Variants in SEMA5A observed in about 807,000 individuals in gnomAD.
The protein encoded by SEMA5A is semaphorin 5A.
A neutral mutation model predicts 135.5 loss-of-function variants in SEMA5A; 55 were observed. That is an observed-to-expected ratio of 0.41 (90% CI 0.33 to 0.51). The LOEUF (loss-of-function observed/expected upper bound fraction) is 0.51, where lower values mean the gene tolerates loss of function less well. Ranked by LOEUF, SEMA5A falls within the 20% of genes least tolerant of loss-of-function variation. The probability of loss-of-function intolerance (pLI) is 0.37; values close to 1 mark genes in which losing one functional copy is unlikely to be tolerated. For synonymous variants in SEMA5A, 580 were observed against 546.5 expected, an observed-to-expected ratio of 1.06 and a Z score of -0.85; for missense variants, 1,290 against 1,419.9, an observed-to-expected ratio of 0.91 and a Z score of 1.47.
At position 9,040,293 on chromosome 5, in the gene SEMA5A, C is replaced by T. The variant is rs780284434; in HGVS notation, c.*2604G>A. On this transcript the variant is annotated 3_prime_UTR_variant, in exon 23 of 23. Coordinates refer to ENST00000382496, the MANE Select transcript of SEMA5A (RefSeq NM_003966.3). ...TCATTCAGGAATTTAAAATGTGAACCGCAAAGTTTCACCAGGACTTCCAAA... is the reference window on the plus strand; with the variant it reads ...TCATTCAGGAATTTAAAATGTGAACTGCAAAGTTTCACCAGGACTTCCAAA... The T allele has an allele frequency of 1.3e-5, 2 of 152,120 alleles. No homozygotes were observed. Among genetic ancestry groups the T allele is most frequent in the African/African-American group, 4.8e-5 (2 of 41,408 alleles). 9.4% of individuals were successfully genotyped at this position (152,120 alleles called of 1,614,324 possible).
intron 1 of SEMA5A, among the ~76,000 whole-genome samples, chr5:9,504,491 C>G (rs921181011): frequency 6.6e-6 from 1 of 152,160 alleles, no homozygotes; most frequent in Non-Finnish European, 1.5e-5. Flanking sequence ...GGATTCACAT[C>G]AGGAGACAGG....
intron 5 of SEMA5A, among the ~76,000 whole-genome samples, chr5:9,239,836 T>G (rs981913799): frequency 7.9e-5 from 12 of 152,180 alleles, no homozygotes; most frequent in African/African-American, 2.6e-4. Flanking sequence ...CTAGTGATTT[T>G]GTTAAAAGTT....
chr5:9,227,653 C>A (rs1445299758), intron 6 of SEMA5A, among the ~76,000 whole-genome samples: 1 of 150,148 alleles, frequency 6.7e-6, no homozygotes, highest in Non-Finnish European at 1.5e-5. Context: ...CAGGTTCATG[C>A]CATTCTCCTG....
intron 1 of SEMA5A, among the ~76,000 whole-genome samples, chr5:9,472,117 G>GA: frequency 6.6e-6 from 1 of 152,102 alleles, no homozygotes; most frequent in Non-Finnish European, 1.5e-5. Context: ...TTTAACATTA[G>GA]AAAAAAGCTA....
intron 12 of SEMA5A, among the ~76,000 whole-genome samples, chr5:9,150,955 G>A (rs116031143): frequency 4.5e-4 from 69 of 152,202 alleles, no homozygotes; most frequent in African/African-American, 1.6e-3. Context: ...TCGTTGTACC[G>A]GGGCAGCAGA....
chr5:9,474,351 G>C (rs941566746), intron 1 of SEMA5A, among the ~76,000 whole-genome samples: 1 of 152,106 alleles, frequency 6.6e-6, no homozygotes, highest in Non-Finnish European at 1.5e-5. Context: ...AAGGGATTCT[G>C]GGGGAGGGCT....
Position 9,035,208 on chromosome 5 carries a change from GA to G in SEMA5A, c.*7688del, listed in dbSNP as rs1475052581. The G allele has an allele frequency of 6.6e-6, 1 of 152,228 alleles. No individual in the cohort carries two copies. The highest frequency in any genetic ancestry group is 1.5e-5 in the Non-Finnish European group (1 of 68,044). 9.4% of individuals were successfully genotyped at this position (152,228 alleles called of 1,614,324 possible). A position where few individuals can be genotyped will look rare whatever the true frequency, so the allele number is the denominator to read the frequency against. ...GAGATGGTAAGAAGGGGGTTGGTAG[GA>G]AAGTGTGACTGCACACTCAGCAGTG... On this transcript the variant is annotated 3_prime_UTR_variant, in exon 23 of 23. Coordinates refer to ENST00000382496, the MANE Select transcript of SEMA5A (RefSeq NM_003966.3).
intron 1 of SEMA5A, among the ~76,000 whole-genome samples, chr5:9,444,695 G>T (rs575126710): frequency 1.3e-5 from 2 of 152,162 alleles, no homozygotes; most frequent in South Asian, 4.2e-4. Context: ...TATTCCTTTG[G>T]GTAGATACCC....
intron 12 of SEMA5A, among the ~76,000 whole-genome samples, chr5:9,145,213 A>G (rs1272663961): frequency 6.6e-6 from 1 of 152,136 alleles, no homozygotes; most frequent in Non-Finnish European, 1.5e-5. Flanking sequence ...CAGGAAAGGA[A>G]CTATCTTGTG....
rs1347201729 is a variant in SEMA5A at position 9,108,130 on chromosome 5, G to A, written c.2073+10C>T. The A allele has an allele frequency of 2.5e-6, 4 of 1,612,614 alleles. No homozygotes were observed. The highest frequency in any genetic ancestry group is 1.6e-4 in the Middle Eastern group (1 of 6,070). ...GATTGTGGGCTGGGTGTGAGAAGAA[G>A]GCTACTCACCACATTGCAGCCTGCA... On this transcript the variant is annotated intron_variant, in intron 16 of 22. Transcript: ENST00000382496.
In SEMA5A at chr5:9,036,882, A is replaced by G. The variant is rs1735681393; in HGVS notation, c.*6015T>C. On this transcript the variant is annotated 3_prime_UTR_variant, in exon 23 of 23. Transcript: ENST00000382496. ...TAAACTACCGCACTTACAGAGAGGGAAGAAAATGATGCTCTCATTTTAGCA... is the reference window on the plus strand; with the variant it reads ...TAAACTACCGCACTTACAGAGAGGGGAGAAAATGATGCTCTCATTTTAGCA... 1 of 152,658 alleles carries G rather than the reference A, an allele frequency of 6.6e-6. No individual in the cohort carries two copies. The highest frequency in any genetic ancestry group is 6.5e-5 in the Admixed American group (1 of 15,284). 9.5% of individuals were successfully genotyped at this position (152,658 alleles called of 1,614,324 possible).
chr5:9,216,353 C>T (rs1376840874), intron 8 of SEMA5A, among the ~76,000 whole-genome samples: 1 of 152,026 alleles, frequency 6.6e-6, no homozygotes, highest in Non-Finnish European at 1.5e-5. Context: ...TGAAAGTGTG[C>T]TTGGTATGGT....
At chr5:9,096,638 G>A (rs1327953073) in intron 16 of SEMA5A, among the ~76,000 whole-genome samples, 1 of 148,970 alleles carries the variant, frequency 6.7e-6, no homozygotes, top group East Asian at 2.0e-4. Flanking sequence ...GGACACTTAA[G>A]CTGTTTCCAA....
intron 3 of SEMA5A, among the ~76,000 whole-genome samples, chr5:9,353,026 AG>A (rs1457728237): frequency 6.7e-6 from 1 of 148,988 alleles, no homozygotes; most frequent in East Asian, 2.0e-4. Context: ...TAGAAATGAA[AG>A]AAAGAACAAA....
intron 3 of SEMA5A, among the ~76,000 whole-genome samples, chr5:9,373,862 G>A (rs1009652278): frequency 5.3e-5 from 8 of 152,200 alleles, no homozygotes; most frequent in African/African-American, 1.9e-4. Flanking sequence ...ACAGGAGCAT[G>A]CTCTCTAAAT....
chr5:9,250,165 C>G (rs773987930), intron 5 of SEMA5A, among the ~76,000 whole-genome samples: 1 of 152,060 alleles, frequency 6.6e-6, no homozygotes, highest in Non-Finnish European at 1.5e-5. Context: ...TGCAGGCAAC[C>G]AGCAGGTAGG....
intron 16 of SEMA5A, among the ~76,000 whole-genome samples, chr5:9,090,689 C>T (rs913628350): frequency 2.6e-5 from 4 of 152,164 alleles, no homozygotes; most frequent in Non-Finnish European, 4.4e-5. Flanking sequence ...CTGAGAATGT[C>T]CTGAGGATGC....
At chr5:9,181,267 A>AT (rs1744494471) in intron 11 of SEMA5A, among the ~76,000 whole-genome samples, 1 of 152,152 alleles carries the variant, frequency 6.6e-6, no homozygotes, top group Non-Finnish European at 1.5e-5. Context: ...AGTAGTAAAT[A>AT]TTTAAAAGCC....
chr5:9,491,412 C>A (rs767533062), intron 1 of SEMA5A, among the ~76,000 whole-genome samples: 3 of 152,064 alleles, frequency 2.0e-5, no homozygotes, highest in Non-Finnish European at 4.4e-5. Context: ...TAATGATGTG[C>A]CAATGTAGGT....
Sources: allele counts gnomAD v4.1 joint callset (sites outside exome capture counted in the v4.1 genomes callset), GRCh38; gene constraint gnomAD v4.1.1; transcripts MANE v1.5; gene names NCBI Gene and HGNC (gene_info 2026-07-23, HGNC 2026-07-21).